SCML4: variants seen among roughly 807,000 people sequenced by gnomAD.
SCML4 encodes sex comb on midleg-like protein 4.
A neutral mutation model predicts 41.1 loss-of-function variants in SCML4; 34 were observed. The observed-to-expected ratio is 0.83, with a 90% CI of 0.63 to 1.10. The LOEUF is 1.10. Among genes scored for constraint, SCML4 ranks in the 50% least tolerant of loss-of-function variants. SCML4 has a pLI of 0.00. For missense variants in SCML4, 522 were observed against 534.1 expected (o/e 0.98, Z 0.22); for synonymous variants, 214 against 220.9 (o/e 0.97, Z 0.28).
At chr6:107,731,632 C>A (rs1776558521) in intron 5 of SCML4, among the ~76,000 whole-genome samples, 1 of 152,210 alleles carries the variant, frequency 6.6e-6, no homozygotes, top group East Asian at 1.9e-4. Flanking sequence ...GCCGGTCTGC[C>A]CAGCCCTGCC....
At chr6:107,786,894 G>A (rs1302829535) in intron 1 of SCML4, among the ~76,000 whole-genome samples, 2 of 152,180 alleles carry the variant, frequency 1.3e-5, no homozygotes, top group Admixed American at 6.5e-5. Flanking sequence ...ATGGCTCTTC[G>A]CCTACTTCAT....
At chr6:107,756,883 T>G (rs1228001331) in intron 2 of SCML4, among the ~76,000 whole-genome samples, 2 of 152,238 alleles carry the variant, frequency 1.3e-5, no homozygotes, top group Non-Finnish European at 2.9e-5. Flanking sequence ...AGCAGCTTGC[T>G]GTGCAGGACG....
At chr6:107,809,718 G>A (rs753553601) in intron 1 of SCML4, among the ~76,000 whole-genome samples, 4 of 152,186 alleles carry the variant, frequency 2.6e-5, no homozygotes, top group African/African-American at 4.8e-5. Flanking sequence ...TTTTGGAAAC[G>A]TTGAGTTCAG....
At chr6:107,753,521 A>C (rs1322824894) in intron 2 of SCML4, among the ~76,000 whole-genome samples, 1 of 152,234 alleles carries the variant, frequency 6.6e-6, no homozygotes, top group Non-Finnish European at 1.5e-5. Context: ...ATTTCGCAAG[A>C]TGAAAATGTT....
intron 1 of SCML4, among the ~76,000 whole-genome samples, chr6:107,817,807 C>A (rs1784662925): frequency 6.6e-6 from 1 of 152,082 alleles, no homozygotes; most frequent in African/African-American, 2.4e-5. Context: ...CCCACACATT[C>A]TCACACATAT....
rs1305215931 is a variant in SCML4 at position 107,703,575 on chromosome 6, G to A, written c.*1625C>T. ...TTCTAACTATATAGAGGGTCACTCT[G>A]CAGATCTACCCAGGGCTGCCCTCAA... is the stretch of plus-strand genomic sequence containing the variant. On this transcript the variant is annotated 3_prime_UTR_variant, in exon 8 of 8. Transcript: ENST00000369020. Among the ~76,000 whole-genome samples, 2 of 152,042 alleles carry A rather than the reference G, an allele frequency of 1.3e-5. No homozygotes were observed. The highest frequency in any genetic ancestry group is 6.6e-5 in the Admixed American group (1 of 15,266).
At chr6:107,734,477 G>C (rs1776861275) in intron 5 of SCML4, among the ~76,000 whole-genome samples, 2 of 152,228 alleles carry the variant, frequency 1.3e-5, no homozygotes, top group Non-Finnish European at 2.9e-5. Context: ...GGACATGAGA[G>C]AGAACCTGAG....
intron 1 of SCML4, among the ~76,000 whole-genome samples, chr6:107,821,434 G>A (rs748150614): frequency 6.6e-6 from 1 of 152,222 alleles, no homozygotes; most frequent in Non-Finnish European, 1.5e-5. Flanking sequence ...AACATCAGAT[G>A]TGCCCACCAA....
chr6:107,730,031 T>C (rs1342012059), intron 5 of SCML4, among the ~76,000 whole-genome samples: 1 of 152,104 alleles, frequency 6.6e-6, no homozygotes, highest in Non-Finnish European at 1.5e-5. Flanking sequence ...CCCTTTACAC[T>C]ATCCAACATG....
At chr6:107,767,192 G>A (rs1294703103) in intron 2 of SCML4, among the ~76,000 whole-genome samples, 9 of 151,868 alleles carry the variant, frequency 5.9e-5, no homozygotes, top group Non-Finnish European at 1.2e-4. Context: ...TCCTGACCTC[G>A]TGATCCATCC....
intron 6 of SCML4, among the ~76,000 whole-genome samples, chr6:107,713,883 A>G (rs1728131): frequency 0.75 from 114,079 of 151,796 alleles, 43,054 homozygotes; most frequent in Admixed American, 0.81. Context: ...ACATGCCCAG[A>G]TTAGCCCACG....
intron 1 of SCML4, among the ~76,000 whole-genome samples, chr6:107,779,633 C>T (rs1415130425): frequency 6.6e-6 from 1 of 152,178 alleles, no homozygotes; most frequent in Non-Finnish European, 1.5e-5. Flanking sequence ...AACTCACTGT[C>T]ATTTCGAAAA....
intron 3 of SCML4, among the ~76,000 whole-genome samples, chr6:107,748,028 C>G (rs1583477465): frequency 6.6e-6 from 1 of 152,076 alleles, no homozygotes; most frequent in South Asian, 2.1e-4. Flanking sequence ...TGAAGAGTGC[C>G]CTGGCCGACC....
At chr6:107,715,633 A>G (rs2114377333) in intron 6 of SCML4, among the ~76,000 whole-genome samples, 1 of 152,332 alleles carries the variant, frequency 6.6e-6, no homozygotes, top group South Asian at 2.1e-4. Context: ...TCACCAGAGC[A>G]TCAGCAGACA....
At chr6:107,789,606 C>G (rs1330288349) in intron 1 of SCML4, among the ~76,000 whole-genome samples, 1 of 152,232 alleles carries the variant, frequency 6.6e-6, no homozygotes, top group East Asian at 1.9e-4. Context: ...TTAGTCCAGA[C>G]AAAGACAGTG....
intron 7 of SCML4, among the ~76,000 whole-genome samples, 192 bp downstream of exon 7, chr6:107,707,674 A>G (rs2114336880): frequency 6.6e-6 from 1 of 152,218 alleles, no homozygotes; most frequent in South Asian, 2.1e-4. Flanking sequence ...TTAAGTGGTC[A>G]CTCTGCTCTG....
chr6:107,808,282 T>C (rs1317424423), intron 1 of SCML4, among the ~76,000 whole-genome samples: 1 of 152,222 alleles, frequency 6.6e-6, no homozygotes, highest in African/African-American at 2.4e-5. Context: ...GTCTTCCTCC[T>C]TGCCCATCAG....
At chr6:107,843,706 TC>T in the SCML4 span, among the ~76,000 whole-genome samples, 1 of 152,096 alleles carries the variant, frequency 6.6e-6, no homozygotes, top group Non-Finnish European at 1.5e-5. Context: ...AGAGACACAT[TC>T]AACTTTGCGG....
intron 1 of SCML4, among the ~76,000 whole-genome samples, chr6:107,784,048 A>T (rs933778466): frequency 5.9e-5 from 9 of 152,124 alleles, no homozygotes; most frequent in African/African-American, 2.4e-5. Context: ...TTGGCTCATC[A>T]CTGTGCGACC....
Sources: allele counts gnomAD v4.1 joint callset (sites outside exome capture counted in the v4.1 genomes callset), GRCh38; gene constraint gnomAD v4.1.1; transcripts MANE v1.5; gene names NCBI Gene and HGNC (gene_info 2026-07-23, HGNC 2026-07-21).